Variants in NTRK3 observed in about 807,000 individuals in gnomAD.
NTRK3 encodes neurotrophic receptor tyrosine kinase 3.
Under a neutral mutation model 91.7 loss-of-function variants are expected in NTRK3, and 24 were observed. The ratio of observed to expected loss-of-function variants is 0.26; its 90% CI spans 0.19 to 0.37. NTRK3 has a LOEUF of 0.37. NTRK3 is among the 10% of genes least tolerant of loss of function. The pLI, the probability that NTRK3 is intolerant of heterozygous loss-of-function variation, is 1.00. For missense variants in NTRK3, 880 were observed against 1,068.9 expected (o/e 0.82, Z 2.46); for synonymous variants, 483 against 404.0 (o/e 1.20, Z -2.34).
intron 6 of NTRK3, among the ~76,000 whole-genome samples, chr15:88,139,935 TG>T (rs1250512649): frequency 5.2e-4 from 11 of 21,172 alleles, no homozygotes; most frequent in African/African-American, 2.0e-3. Flanking sequence ...GGGGGGAGTG[TG>T]GGGGGTGGGG....
intron 5 of NTRK3, among the ~76,000 whole-genome samples, chr15:88,152,511 A>G (rs1293222180): frequency 6.6e-6 from 1 of 152,226 alleles, no homozygotes; most frequent in Admixed American, 6.5e-5. Context: ...ATGGCCATCT[A>G]CAAGTCAAGG....
rs117251167 is a variant in NTRK3, at chr15:88,235,485, C to A, written c.248+20421G>T. Among the ~76,000 whole-genome samples, 113 of 152,306 alleles carry A rather than the reference C, an allele frequency of 7.4e-4. 2 individuals carry two copies. In the East Asian group the frequency reaches 0.018, roughly 25 times the overall value. On this transcript the variant is annotated intron_variant, in intron 3 of 18. Transcript: ENST00000394480. This position sits in a 1 kb window ranked among gnomAD's most constrained non-coding sequence, Gnocchi z 5.2. ...GAGAGACACAAGCCCAGGGGAGTTGCCTTTCTGGTGGGACCAGGCCCTCTT... is the reference window on the plus strand; with the variant it reads ...GAGAGACACAAGCCCAGGGGAGTTGACTTTCTGGTGGGACCAGGCCCTCTT...
At chr15:87,862,162 A>G (rs992935393) in exon 19 of NTRK3, 12 of 220,042 alleles carry the variant, frequency 5.5e-5, no homozygotes, top group Admixed American at 2.3e-4. Flanking sequence ...ATCTTGTGCC[A>G]TGGCCTTTTT....
At chr15:87,917,697 T>C (rs928802145) in intron 17 of NTRK3, among the ~76,000 whole-genome samples, 3 of 152,110 alleles carry the variant, frequency 2.0e-5, no homozygotes, top group Non-Finnish European at 4.4e-5. Context: ...AGGTAGTAAG[T>C]GAGTTATTCA....
intron 5 of NTRK3, among the ~76,000 whole-genome samples, chr15:88,170,841 C>T (rs2045443131): frequency 6.6e-6 from 1 of 152,146 alleles, no homozygotes; most frequent in Non-Finnish European, 1.5e-5. Flanking sequence ...CTCTGATGAT[C>T]AGCAAAGCCT....
rs761497232 is a variant in NTRK3 at position 87,873,458 on chromosome 15, A to T, written c.*3477T>A. ...CAAGGTGGACACCCAACAGCAGGTC[A>T]CTCTCACTCAGTCCAGGAGAGGATC... On this transcript the variant is annotated 3_prime_UTR_variant, in exon 19 of 19. Transcript: ENST00000394480. The T allele has an allele frequency of 3.9e-5, 9 of 231,030 alleles. 1 individual carries two copies. The highest frequency in any genetic ancestry group is 6.0e-5 in the Non-Finnish European group (7 of 116,866). 14.3% of individuals were successfully genotyped at this position (231,030 alleles called of 1,614,324 possible). A position where few individuals can be genotyped will look rare whatever the true frequency, so the allele number is the denominator to read the frequency against.
At chr15:87,931,989 G>T (rs1444465826) in intron 16 of NTRK3, among the ~76,000 whole-genome samples, 2 of 152,226 alleles carry the variant, frequency 1.3e-5, no homozygotes, top group Non-Finnish European at 2.9e-5. Context: ...TGTTTAACCT[G>T]CTTCCTGGGG....
chr15:87,975,258 G>A (rs1240415512), intron 14 of NTRK3, among the ~76,000 whole-genome samples: 2 of 152,058 alleles, frequency 1.3e-5, no homozygotes, highest in East Asian at 1.9e-4. Context: ...GTGTTAGATC[G>A]AATTTCACCT....
chr15:88,246,300 C>T (rs144801747), intron 3 of NTRK3, among the ~76,000 whole-genome samples: 198 of 152,362 alleles, frequency 1.3e-3, no homozygotes, highest in Middle Eastern at 3.4e-3. Flanking sequence ...TCGTAGCCAC[C>T]TCTGTGTATG....
At chr15:88,071,430 G>T (rs1362677699) in intron 13 of NTRK3, among the ~76,000 whole-genome samples, 2 of 152,230 alleles carry the variant, frequency 1.3e-5, no homozygotes, top group Admixed American at 1.3e-4. Context: ...CTTGGCCAAG[G>T]CCAGAATACC....
chr15:88,243,377 A>T lies in NTRK3; in HGVS notation c.248+12529T>A, dbSNP rs562687290. Among the ~76,000 whole-genome samples, 3 of 152,048 alleles carry T rather than the reference A, an allele frequency of 2.0e-5. No homozygotes were observed. The East Asian group carries it at 5.8e-4, about 29-fold the overall frequency. On this transcript the variant is annotated intron_variant, in intron 3 of 18. Transcript: ENST00000394480. This position sits in a 1 kb window ranked among gnomAD's most constrained non-coding sequence, Gnocchi z 4.8. ...GCTCCCTCCTGGATCTCAGGTGGAG[A>T]AATGAAGAGGCTGCAAGGATGAGAG...
At chr15:88,102,805 G>A (rs1440999303) in intron 13 of NTRK3, among the ~76,000 whole-genome samples, 1 of 152,126 alleles carries the variant, frequency 6.6e-6, no homozygotes, top group East Asian at 1.9e-4. Flanking sequence ...ACTCTACCAA[G>A]AGGATCACCT....
chr15:87,986,017 T>C (rs2074743595), intron 14 of NTRK3, among the ~76,000 whole-genome samples: 1 of 152,204 alleles, frequency 6.6e-6, no homozygotes, highest in African/African-American at 2.4e-5. Flanking sequence ...TGAAGTGACC[T>C]CTTAGAATCA....
At chr15:88,167,268 A>G (rs2045053495) in intron 5 of NTRK3, among the ~76,000 whole-genome samples, 1 of 152,328 alleles carries the variant, frequency 6.6e-6, no homozygotes, top group Admixed American at 6.5e-5. Flanking sequence ...AAGGAAACTA[A>G]AAGAGACAGT....
At chr15:88,071,218 G>A in intron 13 of NTRK3, among the ~76,000 whole-genome samples, 1 of 152,224 alleles carries the variant, frequency 6.6e-6, no homozygotes, top group East Asian at 1.9e-4. Flanking sequence ...AGGACTCACT[G>A]CATCCCAGCG....
chr15:87,906,848 C>T (rs543463890), intron 17 of NTRK3, among the ~76,000 whole-genome samples: 2 of 152,252 alleles, frequency 1.3e-5, no homozygotes, highest in South Asian at 4.2e-4. Context: ...GAACCTATCA[C>T]TCTTAATTTG....
At chr15:88,228,620 C>G (rs913670991) in intron 3 of NTRK3, among the ~76,000 whole-genome samples, 2 of 152,146 alleles carry the variant, frequency 1.3e-5, no homozygotes, top group African/African-American at 4.8e-5. Flanking sequence ...CAGGAAAACC[C>G]ACAGCACATG....
chr15:88,136,737 T>A, intron 7 of NTRK3, 128 bp from the exon 8 acceptor site: 2 of 1,168,246 alleles, frequency 1.7e-6, no homozygotes, highest in East Asian at 5.2e-5. Flanking sequence ...CCTGCTTGAG[T>A]TCTTGGAAGA....
At chr15:87,933,046 A>G (rs1276516004) in exon 16 of NTRK3, 1 of 1,614,088 alleles carries the variant, frequency 6.2e-7, no homozygotes, top group Admixed American at 1.7e-5. Flanking sequence ...TGCTTCATGT[A>G]TTCAAAGACC....
Sources: allele counts gnomAD v4.1 joint callset (sites outside exome capture counted in the v4.1 genomes callset), GRCh38; gene constraint gnomAD v4.1.1; non-coding constraint Gnocchi (gnomAD v3.1); transcripts MANE v1.5; gene names NCBI Gene and HGNC (gene_info 2026-07-23, HGNC 2026-07-21).